The following ARL3 variants were observed in gnomAD, a reference collection of about 807,000 sequenced individuals.
ARL3 encodes ADP-ribosylation factor-like protein 3.
A neutral mutation model predicts 26.0 loss-of-function variants in ARL3; 9 were observed. That is an observed-to-expected ratio of 0.35 (90% CI 0.21 to 0.60). The LOEUF (loss-of-function observed/expected upper bound fraction) is 0.60, where lower values mean the gene tolerates loss of function less well. Ranked by LOEUF, ARL3 falls within the 20% of genes least tolerant of loss-of-function variation. The probability of loss-of-function intolerance (pLI) is 0.78; values close to 1 mark genes in which losing one functional copy is unlikely to be tolerated. For missense variants in ARL3, 158 were observed against 215.7 expected (o/e 0.73, Z 1.67); for synonymous variants, 71 against 78.4 (o/e 0.91, Z 0.50).
intron 3 of ARL3, among the ~76,000 whole-genome samples, chr10:102,695,994 C>T (rs914607715): frequency 6.6e-6 from 1 of 151,454 alleles, no homozygotes; most frequent in Admixed American, 6.6e-5. Context: ...GACAGAGTCT[C>T]ACTCTGTCAC....
intron 3 of ARL3, among the ~76,000 whole-genome samples, chr10:102,696,454 T>TG (rs1564731760): frequency 6.6e-6 from 1 of 150,636 alleles, no homozygotes; most frequent in East Asian, 2.0e-4. Flanking sequence ...TTAGTAGAGA[T>TG]GGGGTTTCAC....
chr10:102,680,318 C>G (rs557930721), intron 5 of ARL3, among the ~76,000 whole-genome samples: 2 of 152,100 alleles, frequency 1.3e-5, no homozygotes, highest in African/African-American at 4.8e-5. Context: ...GACGATCTTA[C>G]GGTATGAATA....
At position 102,711,567 on chromosome 10, in the gene ARL3, T is replaced by C. The variant is rs373265575; in HGVS notation, c.3+2706A>G. 5.3e-5 allele frequency among the ~76,000 whole-genome samples: 8 copies of C among 152,062 alleles called. No individual in the cohort carries two copies. In the East Asian group the frequency reaches 1.5e-3, roughly 29 times the overall value. On this transcript the variant is annotated intron_variant, in intron 1 of 5. Transcript: ENST00000260746. ...GAGATACAGACCATCCTGGCTAACA[T>C]GGTGAAACCCCGTCTCTACTAAAAA... is the stretch of plus-strand genomic sequence containing the variant.
intron 2 of ARL3, among the ~76,000 whole-genome samples, chr10:102,700,563 C>T (rs1032567241): frequency 4.0e-5 from 6 of 151,644 alleles, no homozygotes; most frequent in African/African-American, 7.3e-5. Context: ...CTCCCAAGTT[C>T]GAGTGATTCT....
intron 4 of ARL3, among the ~76,000 whole-genome samples, chr10:102,687,120 C>T (rs1488431273): frequency 6.6e-6 from 1 of 151,342 alleles, no homozygotes; most frequent in Non-Finnish European, 1.5e-5. Context: ...TTGTGATCCA[C>T]CCCCCACCTT....
Position 102,676,707 on chromosome 10 carries a change from C to G in ARL3, c.*187G>C, listed in dbSNP as rs571756029. On this transcript the variant is annotated 3_prime_UTR_variant, in exon 6 of 6. Coordinates refer to ENST00000260746, the MANE Select transcript of ARL3 (RefSeq NM_004311.4). ...TAATTCCTTTATTTGAAAAATGATA[C>G]TGAACCTCAGAGATCAGTTAAATCT... 1.8e-5 allele frequency: 11 copies of G among 595,336 alleles called. No homozygotes were observed. In the East Asian group the frequency reaches 3.1e-4, roughly 17 times the overall value. The allele number at this position is 595,336 out of a possible 1,614,324, so 36.9% of individuals were successfully genotyped here. A position where few individuals can be genotyped will look rare whatever the true frequency, so the allele number is the denominator to read the frequency against.
chr10:102,703,425 CTTTTTTTTTTTTTT>C (rs57721161), intron 2 of ARL3, among the ~76,000 whole-genome samples: 38 of 48,480 alleles, frequency 7.8e-4, no homozygotes, highest in Non-Finnish European at 8.7e-4. Flanking sequence ...CAGGACTTGT[CTTTTTTTTTTTTTT>C]TTTTTTTTTT....
chr10:102,679,761 G>A (rs1455213933), intron 5 of ARL3, among the ~76,000 whole-genome samples: 1 of 152,210 alleles, frequency 6.6e-6, no homozygotes, highest in African/African-American at 2.4e-5. Context: ...AGATTCCTGG[G>A]CTGTGGGTAT....
At chr10:102,711,991 C>T (rs527730672) in intron 1 of ARL3, among the ~76,000 whole-genome samples, 1 of 152,016 alleles carries the variant, frequency 6.6e-6, no homozygotes, top group Non-Finnish European at 1.5e-5. Flanking sequence ...TTGAGAACGA[C>T]CACAAGCTCC....
chr10:102,691,183 A>G (rs2064215363), intron 3 of ARL3, among the ~76,000 whole-genome samples: 2 of 151,946 alleles, frequency 1.3e-5, no homozygotes, highest in Non-Finnish European at 2.9e-5. Flanking sequence ...CAGGTTAGTT[A>G]CATGTGTATA....
At chr10:102,677,627 C>T (rs1002665578) in intron 5 of ARL3, among the ~76,000 whole-genome samples, 2 of 152,200 alleles carry the variant, frequency 1.3e-5, no homozygotes, top group Non-Finnish European at 2.9e-5. Flanking sequence ...AAAAATCACA[C>T]AATGCCTACA....
rs1287060695 is a variant in ARL3 at position 102,673,744 on chromosome 10, A to C, written c.*3150T>G. Reference sequence around the variant, plus strand: ...TTCCAGGCTGCCTTCGTTCCAGCTAAATTTTATTTGTCGGATTTTTGACAG... The same window carrying C: ...TTCCAGGCTGCCTTCGTTCCAGCTACATTTTATTTGTCGGATTTTTGACAG... On this transcript the variant is annotated 3_prime_UTR_variant, in exon 6 of 6. Coordinates refer to ENST00000260746, the MANE Select transcript of ARL3 (RefSeq NM_004311.4). 6.6e-6 allele frequency: 1 copy of C among 152,150 alleles called. No homozygotes were observed. The highest frequency in any genetic ancestry group is 1.5e-5 in the Non-Finnish European group (1 of 68,030). 9.4% of individuals were successfully genotyped at this position (152,150 alleles called of 1,614,324 possible). A position where few individuals can be genotyped will look rare whatever the true frequency, so the allele number is the denominator to read the frequency against.
chr10:102,702,811 T>A (rs147692389), intron 2 of ARL3, among the ~76,000 whole-genome samples: 82 of 152,298 alleles, frequency 5.4e-4, no homozygotes, highest in African/African-American at 1.8e-3. Flanking sequence ...TAAAAATTGT[T>A]CATTTGGTAG....
At chr10:102,713,082 T>G (rs1337819167) in intron 1 of ARL3, among the ~76,000 whole-genome samples, 1 of 20,298 alleles carries the variant, frequency 4.9e-5, no homozygotes, top group Non-Finnish European at 2.2e-4. Flanking sequence ...ATCTAGTTTT[T>G]TTGTTTTTTT....
At chr10:102,693,209 T>C in intron 3 of ARL3, among the ~76,000 whole-genome samples, 1 of 152,220 alleles carries the variant, frequency 6.6e-6, no homozygotes, top group East Asian at 1.9e-4. Context: ...GGTATATATC[T>C]TGGAGTACTG....
At chr10:102,708,908 A>ATATATATATATATTTTTTTTTTTTT in intron 1 of ARL3, among the ~76,000 whole-genome samples, 5 of 95,320 alleles carry the variant, frequency 5.2e-5, no homozygotes, top group African/African-American at 2.1e-4. Context: ...ATATATATAT[A>ATATATATATATATTTTTTTTTTTTT]TTTTTTTTTT....
At chr10:102,680,689 C>T (rs7911041) in intron 5 of ARL3, among the ~76,000 whole-genome samples, 152,019 of 152,264 alleles carry the variant, frequency 1, 75,887 homozygotes, top group East Asian at 1. Context: ...TGCTCGGTAG[C>T]TGGAAGGAAG....
intron 3 of ARL3, among the ~76,000 whole-genome samples, chr10:102,695,088 C>T (rs551496326): frequency 6.6e-6 from 1 of 152,206 alleles, no homozygotes; most frequent in Non-Finnish European, 1.5e-5. Flanking sequence ...TAACTTGTTC[C>T]TTTTCAGTAC....
At chr10:102,698,913 C>G (rs918523122) in intron 3 of ARL3, among the ~76,000 whole-genome samples, 23 of 152,342 alleles carry the variant, frequency 1.5e-4, no homozygotes, top group African/African-American at 5.3e-4. Context: ...TAAGATAATT[C>G]TTGAAGCAGC....
Sources: allele counts gnomAD v4.1 joint callset (sites outside exome capture counted in the v4.1 genomes callset), GRCh38; gene constraint gnomAD v4.1.1; transcripts MANE v1.5; gene names NCBI Gene and HGNC (gene_info 2026-07-23, HGNC 2026-07-21).